KMT2C: variants seen among roughly 807,000 people sequenced by gnomAD.
KMT2C encodes histone-lysine N-methyltransferase 2C.
KMT2C carries 88 observed loss-of-function variants against 507.9 expected under a neutral mutation model. That is an observed-to-expected ratio of 0.17 (90% CI 0.15 to 0.21). The LOEUF (loss-of-function observed/expected upper bound fraction) is 0.21. Among genes scored for constraint, KMT2C ranks in the 10% least tolerant of loss-of-function variants. The pLI, the probability that KMT2C is intolerant of heterozygous loss-of-function variation, is 1.00. For synonymous variants in KMT2C, 2,049 were observed against 2,080.8 expected, an observed-to-expected ratio of 0.98 and a Z score of 0.42; for missense variants, 4,954 against 5,957.8, an observed-to-expected ratio of 0.83 and a Z score of 5.55.
intron 27 of KMT2C, among the ~76,000 whole-genome samples, chr7:152,197,849 G>C (rs1220614288): frequency 6.6e-6 from 1 of 151,774 alleles, no homozygotes; most frequent in Non-Finnish European, 1.5e-5. Context: ...TTTTGAAATG[G>C]GTATATTTTT....
chr7:152,431,603 CAAA>C (rs71533568), intron 1 of KMT2C, among the ~76,000 whole-genome samples: 4 of 116,318 alleles, frequency 3.4e-5, no homozygotes, highest in Non-Finnish European at 3.6e-5. Flanking sequence ...AAGACTCTGT[CAAA>C]AAAAAAAAAA....
chr7:152,217,492 G>A (rs2094614672), intron 23 of KMT2C, among the ~76,000 whole-genome samples: 1 of 152,108 alleles, frequency 6.6e-6, no homozygotes, highest in South Asian at 2.1e-4. Context: ...TGAGATCCTG[G>A]CACGTAAATG....
chr7:152,179,772 A>G, intron 37 of KMT2C, 62 bp downstream of exon 37: 1 of 1,482,634 alleles, frequency 6.7e-7, no homozygotes, highest in Non-Finnish European at 9.3e-7. Context: ...AAGCCACCAC[A>G]CCCAGCTCTG....
chr7:152,232,987 G>T (rs921239254), intron 16 of KMT2C, among the ~76,000 whole-genome samples: 3 of 152,036 alleles, frequency 2.0e-5, no homozygotes, highest in African/African-American at 7.2e-5. Flanking sequence ...ATTTTTAAAA[G>T]GAAATTTAAC....
chr7:152,421,252 T>C (rs891958043), intron 1 of KMT2C, among the ~76,000 whole-genome samples: 3 of 152,080 alleles, frequency 2.0e-5, no homozygotes, highest in Non-Finnish European at 2.9e-5. Flanking sequence ...AAAAAACATG[T>C]TGGCAAGGTT....
At chr7:152,167,919 A>C (rs10265447) in intron 41 of KMT2C, among the ~76,000 whole-genome samples, 1,772 of 152,308 alleles carry the variant, frequency 0.012, 36 homozygotes, top group African/African-American at 0.041. Flanking sequence ...GGAATAATTT[A>C]AAGTCTATGA....
intron 1 of KMT2C, among the ~76,000 whole-genome samples, chr7:152,415,643 G>A (rs1442632015): frequency 2.0e-5 from 3 of 152,194 alleles, no homozygotes; most frequent in African/African-American, 7.2e-5. Flanking sequence ...CGCTTTGGGA[G>A]GCCGAGGCGG....
rs993130054 is a variant in KMT2C, at chr7:152,392,658, C to A, written c.162-33983G>T. ...AATTTCATTGTATTTTGTGTGAATG[C>A]CCTCCCCAGCACAACAAGAACGGAG... On this transcript the variant is annotated intron_variant, in intron 1 of 58. Transcript: ENST00000262189. Among the ~76,000 whole-genome samples, 7 of 152,256 alleles carry A rather than the reference C, an allele frequency of 4.6e-5. No individual in the cohort carries two copies. The East Asian group carries it at 1.2e-3, about 25-fold the overall frequency.
At chr7:152,257,408 AC>A (rs2095678194) in intron 9 of KMT2C, among the ~76,000 whole-genome samples, 1 of 152,232 alleles carries the variant, frequency 6.6e-6, no homozygotes, top group Admixed American at 6.5e-5. Context: ...TAAATAATAA[AC>A]AAGAGGCAGT....
At chr7:152,274,036 A>G (rs1215722282) in intron 6 of KMT2C, among the ~76,000 whole-genome samples, 169 bp from the exon 7 acceptor site, 10 of 152,180 alleles carry the variant, frequency 6.6e-5, no homozygotes, top group Non-Finnish European at 1.5e-4. Flanking sequence ...ACATTACTCA[A>G]TTTAGCGCTT....
chr7:152,293,156 A>C (rs1174847439), intron 6 of KMT2C, among the ~76,000 whole-genome samples: 1 of 152,206 alleles, frequency 6.6e-6, no homozygotes, highest in Non-Finnish European at 1.5e-5. Flanking sequence ...AGAACCTACC[A>C]ACAATCTAAA....
At position 152,163,715 on chromosome 7, in the gene KMT2C, G is replaced by C. The variant is rs151063714; in HGVS notation, c.9862C>G (p.Pro3288Ala). The part of the protein sequence containing the change: ...PTMMPSVQPQ[P>A]PLIPGATPPT... The stretch of plus-strand genomic sequence containing the variant: ...GGAGTGGCACCTGGAATTAGGGGTG[G>C]CTGGGGCTGGACACTGGGCATCATG... Residue 3288 changes from proline to alanine, a missense_variant, in exon 43 of 59, where the codon CCA becomes GCA. By Grantham distance (27) the Pro-to-Ala change is conservative. Coordinates refer to ENST00000262189, the MANE Select transcript of KMT2C (RefSeq NM_170606.3). 4 of 1,614,134 alleles carry C rather than the reference G, an allele frequency of 2.5e-6. No individual in the cohort carries two copies. The South Asian group carries it at 4.4e-5, about 18-fold the overall frequency.
rs1219144047 is a variant in KMT2C, at chr7:152,199,424, A to G, written c.4128T>C (p.Ser1376=). 6.3e-7 allele frequency: 1 copy of G among 1,575,428 alleles called. No individual in the cohort carries two copies. The highest frequency in any genetic ancestry group is 2.0e-5 in the Admixed American group (1 of 50,030). ...TATCTAAACTTATCTTGCTTTGTCT[A>G]CTTGTATCTAGAAGATCTTTTCCAA... ...AFFGKDLLDT[S]RQSKISLDNL... Residue 1376 remains serine, a synonymous_variant, in exon 27 of 59, where the codon AGT becomes AGC. Transcript: ENST00000262189.
intron 9 of KMT2C, among the ~76,000 whole-genome samples, chr7:152,261,163 C>G (rs1270089706): frequency 6.6e-6 from 1 of 152,292 alleles, no homozygotes; most frequent in Non-Finnish European, 1.5e-5. Flanking sequence ...GATAACCATT[C>G]AACTGTTAAA....
rs10257703 is a variant in KMT2C, at chr7:152,379,364, C to G, written c.162-20689G>C. Among the ~76,000 whole-genome samples the G allele has an allele frequency of 9.4e-3, 1,431 of 152,106 alleles. 24 individuals are homozygous for G. The highest frequency in any genetic ancestry group is 0.033 in the African/African-American group (1,376 of 41,480). ...ACCAGCCTGGTCAACATGGTGAAAC[C>G]CCATCTCTACTAAATATACAAAAAT... On this transcript the variant is annotated intron_variant, in intron 1 of 58. Transcript: ENST00000262189.
chr7:152,187,496 T>C lies in KMT2C; in HGVS notation c.4794-20A>G, dbSNP rs2129124862. On this transcript the variant is annotated intron_variant, in intron 32 of 58. Coordinates refer to ENST00000262189, the MANE Select transcript of KMT2C (RefSeq NM_170606.3). The stretch of plus-strand genomic sequence containing the variant: ...TTATCCCTGGGAAAAAATAAATATC[T>C]TTACTTTATGAACATAAAATAACTT... The C allele has an allele frequency of 1.3e-6, 2 of 1,588,536 alleles. No homozygotes were observed. The highest frequency in any genetic ancestry group is 1.7e-6 in the Non-Finnish European group (2 of 1,157,658).
At chr7:152,362,958 T>C (rs2097208463) in intron 1 of KMT2C, among the ~76,000 whole-genome samples, 1 of 152,226 alleles carries the variant, frequency 6.6e-6, no homozygotes, top group African/African-American at 2.4e-5. Context: ...CTTATTGACA[T>C]CATGTCATTT....
chr7:152,384,925 C>A (rs1401721323), intron 1 of KMT2C, among the ~76,000 whole-genome samples: 2 of 152,298 alleles, frequency 1.3e-5, no homozygotes, highest in Non-Finnish European at 2.9e-5. Flanking sequence ...ACAACTAGAA[C>A]ATTATCATTT....
At chr7:152,353,631 A>G (rs1044674787) in intron 2 of KMT2C, among the ~76,000 whole-genome samples, 1 of 151,974 alleles carries the variant, frequency 6.6e-6, no homozygotes, top group Admixed American at 6.5e-5. Context: ...CTGAGTAGCT[A>G]GGACTACAGG....
Sources: allele counts gnomAD v4.1 joint callset (sites outside exome capture counted in the v4.1 genomes callset), GRCh38; gene constraint gnomAD v4.1.1; transcripts MANE v1.5; gene names NCBI Gene and HGNC (gene_info 2026-07-23, HGNC 2026-07-21).